PACRG: variants seen among roughly 807,000 people sequenced by gnomAD.
PACRG encodes parkin coregulated gene protein.
In PACRG, 29 loss-of-function variants were observed where a neutral mutation model predicts 29.7. The ratio of observed to expected loss-of-function variants is 0.98; its 90% CI spans 0.73 to 1.33. The LOEUF (loss-of-function observed/expected upper bound fraction) is 1.33. PACRG is among the 40% of genes most tolerant of loss of function. The pLI is 0.00. For synonymous variants in PACRG, 116 were observed against 118.7 expected (o/e 0.98, Z 0.15); for missense variants, 279 against 316.2 (o/e 0.88, Z 0.89).
At chr6:163,262,870 C>T (rs918462754) in intron 4 of PACRG, among the ~76,000 whole-genome samples, 8 of 148,152 alleles carry the variant, frequency 5.4e-5, no homozygotes, top group East Asian at 2.0e-4. Flanking sequence ...AGTGAGACCC[C>T]CCCCCCCATG....
intron 4 of PACRG, among the ~76,000 whole-genome samples, chr6:163,291,666 T>C (rs1784615759): frequency 1.3e-5 from 2 of 152,242 alleles, no homozygotes; most frequent in African/African-American, 4.8e-5. Context: ...ACGTGGTATT[T>C]GTCAAGGGCC....
intron 4 of PACRG, among the ~76,000 whole-genome samples, chr6:163,200,685 T>C (rs1780660078): frequency 6.6e-6 from 1 of 152,208 alleles, no homozygotes; most frequent in Non-Finnish European, 1.5e-5. Context: ...GATATGATCA[T>C]TGACAAACCA....
intron 2 of PACRG, among the ~76,000 whole-genome samples, chr6:163,048,649 G>A (rs1200296221): frequency 6.6e-6 from 1 of 152,114 alleles, no homozygotes; most frequent in Non-Finnish European, 1.5e-5. Flanking sequence ...GTACAAAGGG[G>A]AAATTTTCTA....
chr6:162,924,276 T>C (rs902102405), intron 2 of PACRG, among the ~76,000 whole-genome samples: 1 of 152,046 alleles, frequency 6.6e-6, no homozygotes, highest in African/African-American at 2.4e-5. Context: ...ATCAGTTCTA[T>C]GAATTTTTTG....
chr6:163,271,223 T>C (rs573263335), intron 4 of PACRG, among the ~76,000 whole-genome samples: 3 of 152,262 alleles, frequency 2.0e-5, no homozygotes, highest in South Asian at 4.2e-4. Flanking sequence ...CTGCTTTTAT[T>C]CTGGCTACAC....
intron 4 of PACRG, among the ~76,000 whole-genome samples, chr6:163,262,204 T>C (rs1204616756): frequency 6.6e-6 from 1 of 152,236 alleles, no homozygotes; most frequent in Non-Finnish European, 1.5e-5. Flanking sequence ...TACTCAGTAG[T>C]CCTGGCAGCT....
intron 4 of PACRG, among the ~76,000 whole-genome samples, chr6:163,226,257 C>T (rs1045622909): frequency 1.3e-5 from 2 of 152,148 alleles, no homozygotes; most frequent in African/African-American, 2.4e-5. Flanking sequence ...TTTGATGAGA[C>T]AGGATGAATG....
At chr6:163,229,448 C>T (rs1781935617) in intron 4 of PACRG, among the ~76,000 whole-genome samples, 1 of 152,214 alleles carries the variant, frequency 6.6e-6, no homozygotes, top group African/African-American at 2.4e-5. Context: ...TCTCAGAGCA[C>T]TCAGATTGCA....
intron 4 of PACRG, among the ~76,000 whole-genome samples, chr6:163,272,980 C>T (rs1783894988): frequency 1.5e-5 from 2 of 135,950 alleles, no homozygotes; most frequent in African/African-American, 6.2e-5. Context: ...CAAGCTCCGC[C>T]TCCCGGGTTC....
chr6:163,219,294 A>G (rs115411124), intron 4 of PACRG, among the ~76,000 whole-genome samples: 30 of 152,224 alleles, frequency 2.0e-4, no homozygotes, highest in African/African-American at 7.2e-4. Flanking sequence ...TTCTTCTCTA[A>G]TCCTTATAAG....
intron 4 of PACRG, among the ~76,000 whole-genome samples, chr6:163,208,868 GA>G (rs1562317153): frequency 6.6e-6 from 1 of 152,150 alleles, no homozygotes; most frequent in African/African-American, 2.4e-5. Flanking sequence ...GTCTAATGCC[GA>G]ATGTTAGATT....
Position 162,749,010 on chromosome 6 carries a change from G to A in PACRG, c.156+20619G>A, listed in dbSNP as rs149844565. On this transcript the variant is annotated intron_variant, in intron 1 of 4. Coordinates refer to ENST00000366888, the MANE Select transcript of PACRG (RefSeq NM_001080379.2). ...TATCAATGAGTTTGCATTTTGTAGA[G>A]TTTACATAAATCAAATTATACAGGA... Among the ~76,000 whole-genome samples, 3 of 152,202 alleles carry A rather than the reference G, an allele frequency of 2.0e-5. No homozygotes were observed. In the East Asian group the frequency reaches 5.8e-4, roughly 29 times the overall value.
intron 1 of PACRG, among the ~76,000 whole-genome samples, chr6:162,761,075 C>T (rs1175815135): frequency 1.3e-5 from 2 of 152,190 alleles, no homozygotes; most frequent in African/African-American, 2.4e-5. Flanking sequence ...CTCTTCACCA[C>T]AGGGCCCAGT....
At chr6:162,747,034 G>A (rs1007554759) in intron 1 of PACRG, among the ~76,000 whole-genome samples, 56 of 151,928 alleles carry the variant, frequency 3.7e-4, no homozygotes, top group African/African-American at 1.3e-3. Context: ...TTAATACTGA[G>A]TGCTAATTGG....
At chr6:163,137,893 T>C (rs1817000141) in intron 4 of PACRG, among the ~76,000 whole-genome samples, 1 of 152,222 alleles carries the variant, frequency 6.6e-6, no homozygotes, top group African/African-American at 2.4e-5. Flanking sequence ...CCTGCAAATA[T>C]TCTCATGCTC....
At chr6:163,116,541 C>T (rs774297800) in intron 4 of PACRG, among the ~76,000 whole-genome samples, 1 of 152,114 alleles carries the variant, frequency 6.6e-6, no homozygotes, top group Non-Finnish European at 1.5e-5. Context: ...GTGCAGAGCG[C>T]TCTTGGTTGT....
At chr6:162,968,217 T>C (rs1282719935) in intron 2 of PACRG, among the ~76,000 whole-genome samples, 1 of 152,214 alleles carries the variant, frequency 6.6e-6, no homozygotes, top group Non-Finnish European at 1.5e-5. Flanking sequence ...TGGGTCTCTA[T>C]CACTACTCCA....
chr6:163,014,628 G>A (rs1218299762), intron 2 of PACRG, among the ~76,000 whole-genome samples: 1 of 151,856 alleles, frequency 6.6e-6, no homozygotes, highest in African/African-American at 2.4e-5. Context: ...ATTTTTTCAG[G>A]TTTGTTGGCT....
At chr6:162,913,734 A>G (rs891224376) in intron 2 of PACRG, among the ~76,000 whole-genome samples, 1 of 152,148 alleles carries the variant, frequency 6.6e-6, no homozygotes, top group African/African-American at 2.4e-5. Flanking sequence ...GGTATAGTCA[A>G]TCCTTTTAAT....
Sources: allele counts gnomAD v4.1 joint callset (sites outside exome capture counted in the v4.1 genomes callset), GRCh38; gene constraint gnomAD v4.1.1; transcripts MANE v1.5; gene names NCBI Gene and HGNC (gene_info 2026-07-23, HGNC 2026-07-21).